NF1: variants seen among roughly 807,000 people sequenced by gnomAD.
NF1 encodes neurofibromin.
A neutral mutation model predicts 325.7 loss-of-function variants in NF1; 122 were observed. The observed-to-expected ratio is 0.37, with a 90% CI of 0.32 to 0.44. The LOEUF (loss-of-function observed/expected upper bound fraction) is 0.44. Among genes scored for constraint, NF1 ranks in the 20% least tolerant of loss-of-function variants. NF1 has a pLI of 1.00. For missense variants in NF1, 2,140 were observed against 3,415.4 expected (o/e 0.63, Z 9.31); for synonymous variants, 1,091 against 1,186.0 (o/e 0.92, Z 1.65).
chr17:31,122,018 G>T (rs551168905), intron 1 of NF1, among the ~76,000 whole-genome samples: 2 of 152,182 alleles, frequency 1.3e-5, no homozygotes, highest in South Asian at 2.1e-4. Context: ...ATGAATGAAA[G>T]AATTTTAACT....
intron 29 of NF1, among the ~76,000 whole-genome samples, chr17:31,242,466 C>G (rs1309047460): frequency 6.6e-6 from 1 of 151,900 alleles, no homozygotes; most frequent in Non-Finnish European, 1.5e-5. Context: ...TTTTCTAGAT[C>G]TTGTAAGCAT....
rs1567847905 is a variant in NF1, at chr17:31,227,232, C to G, written c.2266C>G (p.Gln756Glu). Residue 756 changes from glutamine to glutamate, a missense_variant, in exon 19 of 58, where the codon CAG becomes GAG. By Grantham distance (29) the Gln-to-Glu change is conservative. This residue lies in a region of NF1 where 380 missense variants were observed against 639.3 expected (regional missense o/e 0.59). Coordinates refer to ENST00000358273, the MANE Select transcript of NF1 (RefSeq NM_001042492.3). ...NMMSTGRAAL[Q>E]KRVMALLRRI... ...TATTTGCTTAGGAAGAGCAGCACTT[C>G]AGAAAAGAGTGATGGCACTGCTGAG... 6.2e-7 allele frequency: 1 copy of G among 1,613,680 alleles called. No homozygotes were observed. The highest frequency in any genetic ancestry group is 8.5e-7 in the Non-Finnish European group (1 of 1,179,696).
At chr17:31,144,789 C>G (rs1469314222) in intron 1 of NF1, among the ~76,000 whole-genome samples, 2 of 152,126 alleles carry the variant, frequency 1.3e-5, no homozygotes, top group East Asian at 3.8e-4. Flanking sequence ...CACAGTGTGC[C>G]TTTAAGCCGT....
intron 5 of NF1, among the ~76,000 whole-genome samples, chr17:31,174,645 C>G (rs1207179590): frequency 6.6e-6 from 1 of 152,102 alleles, no homozygotes; most frequent in East Asian, 1.9e-4. Context: ...CTGAAAAGAC[C>G]TTGGTTTTAA....
intron 8 of NF1, among the ~76,000 whole-genome samples, chr17:31,199,219 T>A (rs1326567998): frequency 6.6e-6 from 1 of 152,200 alleles, no homozygotes; most frequent in African/African-American, 2.4e-5. Flanking sequence ...TGTTTACAGG[T>A]TTACATTTTT....
chr17:31,142,578 G>A (rs1189706748), intron 1 of NF1, among the ~76,000 whole-genome samples: 1 of 151,892 alleles, frequency 6.6e-6, no homozygotes, highest in Non-Finnish European at 1.5e-5. Context: ...TAATGAGGCC[G>A]GAAATGAGGC....
chr17:31,211,856 A>G (rs1482040115), intron 12 of NF1, among the ~76,000 whole-genome samples: 1 of 152,136 alleles, frequency 6.6e-6, no homozygotes, highest in African/African-American at 2.4e-5. Context: ...ACATTACACT[A>G]CTGTAGACTT....
intron 36 of NF1, chr17:31,304,501 G>C: frequency 6.2e-7 from 1 of 1,614,148 alleles, no homozygotes; most frequent in African/African-American, 1.3e-5. Context: ...GAGACTAGTA[G>C]AATCATTTGG....
At chr17:31,299,299 A>AT (rs2068527336) in intron 36 of NF1, among the ~76,000 whole-genome samples, 1 of 151,774 alleles carries the variant, frequency 6.6e-6, no homozygotes, top group Non-Finnish European at 1.5e-5. Flanking sequence ...AAATAAATAA[A>AT]AGAAATTCTC....
At chr17:31,272,895 AT>A in intron 36 of NF1, 1 of 152,366 alleles carries the variant, frequency 6.6e-6, no homozygotes, top group East Asian at 1.9e-4. Context: ...TAGTGAACAA[AT>A]TAAAAGCTTC....
At chr17:31,140,561 G>A (rs1315747905) in intron 1 of NF1, among the ~76,000 whole-genome samples, 1 of 152,112 alleles carries the variant, frequency 6.6e-6, no homozygotes, top group African/African-American at 2.4e-5. Context: ...AGAAATTTTT[G>A]TGTTTCAAAA....
At chr17:31,310,849 A>G (rs1363701689) in intron 36 of NF1, among the ~76,000 whole-genome samples, 1 of 151,956 alleles carries the variant, frequency 6.6e-6, no homozygotes, top group Non-Finnish European at 1.5e-5. Flanking sequence ...TCTTTGCTGA[A>G]TATTTAGAAT....
chr17:31,170,805 A>G (rs1224320038), intron 5 of NF1, among the ~76,000 whole-genome samples: 1 of 152,228 alleles, frequency 6.6e-6, no homozygotes, highest in African/African-American at 2.4e-5. Context: ...ATGAATATTC[A>G]TAAACTGAGT....
chr17:31,267,659 T>C (rs1233743857), intron 36 of NF1, among the ~76,000 whole-genome samples: 1 of 152,236 alleles, frequency 6.6e-6, no homozygotes, highest in East Asian at 1.9e-4. Flanking sequence ...TGGCTTAGAC[T>C]ACTATGTATT....
At chr17:31,261,049 G>A (rs17886319) in intron 34 of NF1, among the ~76,000 whole-genome samples, 4 of 151,806 alleles carry the variant, frequency 2.6e-5, no homozygotes, top group Admixed American at 2.0e-4. Context: ...TCGAGATCAG[G>A]CTGGCCAACA....
intron 1 of NF1, among the ~76,000 whole-genome samples, chr17:31,142,394 T>C (rs1230438228): frequency 6.6e-6 from 1 of 152,104 alleles, no homozygotes; most frequent in Non-Finnish European, 1.5e-5. Flanking sequence ...TTTTAAAAAA[T>C]CACCTTATTC....
At chr17:31,344,159 T>C (rs1245870770) in intron 48 of NF1, among the ~76,000 whole-genome samples, 1 of 152,156 alleles carries the variant, frequency 6.6e-6, no homozygotes, top group Non-Finnish European at 1.5e-5. Context: ...TTGTTTATAG[T>C]TTATTGTTGA....
chr17:31,140,831 A>G (rs887093707), intron 1 of NF1, among the ~76,000 whole-genome samples: 1 of 152,262 alleles, frequency 6.6e-6, no homozygotes, highest in Non-Finnish European at 1.5e-5. Flanking sequence ...CCTTATGCTA[A>G]GTGAAATAGA....
intron 5 of NF1, among the ~76,000 whole-genome samples, chr17:31,179,094 A>G (rs1307628196): frequency 6.6e-6 from 1 of 152,180 alleles, no homozygotes; most frequent in Non-Finnish European, 1.5e-5. Flanking sequence ...ACTTATTCCA[A>G]AATTGACCAC....
Sources: gnomAD v4.1 joint callset for allele counts (sites outside exome capture counted in the v4.1 genomes callset) on GRCh38, gnomAD v4.1.1 for gene constraint, gnomAD v4.1.1 regional missense constraint, MANE v1.5 for transcripts, NCBI Gene and HGNC (gene_info 2026-07-23, HGNC 2026-07-21) for gene names.